Variants in RASGRP1 observed in about 807,000 individuals in gnomAD.
The protein encoded by RASGRP1 is RAS guanyl releasing protein 1.
A neutral mutation model predicts 95.1 loss-of-function variants in RASGRP1; 37 were observed. That is an observed-to-expected ratio of 0.39 (90% CI 0.30 to 0.51). The LOEUF is 0.51. Among genes scored for constraint, RASGRP1 ranks in the 20% least tolerant of loss-of-function variants. RASGRP1 has a pLI of 0.80. For synonymous variants in RASGRP1, 325 were observed against 353.4 expected (o/e 0.92, Z 0.90); for missense variants, 711 against 965.4 (o/e 0.74, Z 3.49).
At chr15:38,503,400 T>A in intron 10 of RASGRP1, 24 bp from the exon 11 acceptor site, 1 of 1,486,384 alleles carries the variant, frequency 6.7e-7, no homozygotes, top group East Asian at 2.3e-5. Flanking sequence ...TTTAGAGAAA[T>A]CCTCATGACT....
chr15:38,560,799 G>A lies in RASGRP1; in HGVS notation c.36-794C>T, dbSNP rs559585904. Reference sequence around the variant, plus strand: ...ATTGAAACAGAAAGCAGAGCTGTGAGAGCGTTGTTCCAGCACTCAGTGTAA... The same window carrying A: ...ATTGAAACAGAAAGCAGAGCTGTGAAAGCGTTGTTCCAGCACTCAGTGTAA... On this transcript the variant is annotated intron_variant, in intron 1 of 16. Coordinates refer to ENST00000310803, the MANE Select transcript of RASGRP1 (RefSeq NM_005739.4). Among the ~76,000 whole-genome samples the A allele has an allele frequency of 2.0e-5, 3 of 152,304 alleles. No individual in the cohort carries two copies. The South Asian group carries it at 6.2e-4, about 32-fold the overall frequency.
intron 2 of RASGRP1, among the ~76,000 whole-genome samples, chr15:38,545,020 A>C (rs1230765429): frequency 6.6e-6 from 1 of 152,162 alleles, no homozygotes; most frequent in Admixed American, 6.5e-5. Context: ...TAATTTTTTT[A>C]TGGGAAGTCC....
At chr15:38,546,773 T>G (rs900530193) in intron 2 of RASGRP1, among the ~76,000 whole-genome samples, 2 of 152,188 alleles carry the variant, frequency 1.3e-5, no homozygotes, top group African/African-American at 4.8e-5. Flanking sequence ...AAGTTAATAT[T>G]CTGGGGAAGA....
intron 2 of RASGRP1, among the ~76,000 whole-genome samples, chr15:38,551,370 G>A (rs73384174): frequency 0.012 from 1,832 of 152,236 alleles, 38 homozygotes; most frequent in African/African-American, 0.043. Flanking sequence ...GTATCACAGC[G>A]AGAAACGGAG....
intron 10 of RASGRP1, among the ~76,000 whole-genome samples, chr15:38,505,637 T>A (rs2141099295): frequency 6.6e-6 from 1 of 152,324 alleles, no homozygotes; most frequent in African/African-American, 2.4e-5. Context: ...TCCCTTCAAC[T>A]ATATCACAGC....
chr15:38,509,509 C>G (rs1461297631), intron 8 of RASGRP1, among the ~76,000 whole-genome samples: 1 of 152,114 alleles, frequency 6.6e-6, no homozygotes, highest in Non-Finnish European at 1.5e-5. Context: ...GACGGATCAC[C>G]TGAGGTCCAA....
At chr15:38,543,648 CTT>C (rs11450286) in intron 2 of RASGRP1, among the ~76,000 whole-genome samples, 8 of 49,420 alleles carry the variant, frequency 1.6e-4, no homozygotes, top group Non-Finnish European at 3.1e-4. Flanking sequence ...TTCTTTTTTT[CTT>C]TTTTTTTTTT....
rs1891320897 is a variant in RASGRP1 at position 38,507,768 on chromosome 15, G to A, written c.1200C>T (p.Ala400=). The A allele has an allele frequency of 6.3e-7, 1 of 1,596,222 alleles. No homozygotes were observed. Among genetic ancestry groups the A allele is most frequent in the Non-Finnish European group, 8.5e-7 (1 of 1,171,166 alleles). ...ISELVQLQEV[A]PPLEANKDLV... Reference sequence around the variant, plus strand: ...AGTCCTTGTTAGCCTCCAAGGGTGGGGCCACCTCTTGCAGCTGGACCAATT... The same window carrying A: ...AGTCCTTGTTAGCCTCCAAGGGTGGAGCCACCTCTTGCAGCTGGACCAATT... The change falls in exon 9 of 17, where the codon GCC becomes GCT. Residue 400 remains alanine (A), a synonymous_variant. Transcript: ENST00000310803.
chr15:38,493,171 C>T (rs1460023624), intron 16 of RASGRP1, among the ~76,000 whole-genome samples: 7 of 148,114 alleles, frequency 4.7e-5, no homozygotes, highest in East Asian at 2.0e-4. Flanking sequence ...TGAGCCACCA[C>T]GCCGGGCCTT....
chr15:38,516,054 T>G, intron 6 of RASGRP1, 143 bp downstream of exon 6: 1 of 952,330 alleles, frequency 1.1e-6, no homozygotes, highest in Non-Finnish European at 1.6e-6. Flanking sequence ...ACTGATTTTT[T>G]CAGACTCTAT....
intron 2 of RASGRP1, among the ~76,000 whole-genome samples, chr15:38,554,020 TG>T (rs1263433841): frequency 6.6e-6 from 1 of 152,230 alleles, no homozygotes; most frequent in East Asian, 1.9e-4. Context: ...CATCCATTCA[TG>T]GGTCACCTCC....
intron 2 of RASGRP1, among the ~76,000 whole-genome samples, chr15:38,528,934 T>C (rs916950344): frequency 2.6e-5 from 4 of 152,254 alleles, no homozygotes; most frequent in Non-Finnish European, 5.9e-5. Flanking sequence ...CCTGAGTTCA[T>C]TGTTCCTCGC....
intron 12 of RASGRP1, 126 bp downstream of exon 12, chr15:38,502,186 T>C (rs1891057175): frequency 1.5e-6 from 1 of 656,330 alleles, no homozygotes; most frequent in South Asian, 2.2e-5. Context: ...GCATATTTCA[T>C]GGTCTGTTCT....
intron 1 of RASGRP1, chr15:38,560,346 A>C: frequency 3.4e-6 from 1 of 294,608 alleles, no homozygotes; most frequent in South Asian, 4.0e-5. Flanking sequence ...TCAGCTACTA[A>C]GCCACTGACT....
intron 2 of RASGRP1, among the ~76,000 whole-genome samples, chr15:38,547,877 G>A (rs1403750902): frequency 1.3e-5 from 2 of 151,980 alleles, no homozygotes; most frequent in South Asian, 2.1e-4. Flanking sequence ...GTGTGTGTGT[G>A]TGTGAGATGG....
At chr15:38,508,136 T>A in intron 8 of RASGRP1, 135 bp from the exon 9 acceptor site, 2 of 952,188 alleles carry the variant, frequency 2.1e-6, no homozygotes, top group Non-Finnish European at 3.1e-6. Flanking sequence ...GTAATTCATG[T>A]AAAAGGTACA....
intron 7 of RASGRP1, among the ~76,000 whole-genome samples, chr15:38,512,300 T>A (rs192606892): frequency 6.6e-6 from 1 of 152,230 alleles, no homozygotes; most frequent in Non-Finnish European, 1.5e-5. Context: ...ACAGAGAAGC[T>A]AGAATCTCTG....
intron 2 of RASGRP1, among the ~76,000 whole-genome samples, chr15:38,536,822 AC>A (rs1233129736): frequency 2.6e-5 from 4 of 152,368 alleles, no homozygotes; most frequent in African/African-American, 9.6e-5. Flanking sequence ...GTACAAAAAA[AC>A]ATCACATCAC....
chr15:38,490,599 T>C lies in RASGRP1; in HGVS notation c.2349A>G (p.Lys783=), dbSNP rs372923561. Residue 783 remains lysine (K), a synonymous_variant, in exon 17 of 17, where the codon AAA becomes AAG. Transcript: ENST00000310803. ...CCATTTGAGCTAAGACATGATTGCTTTTTTCAAGCTGGAGGGATTCTATTT... is the reference window on the plus strand; with the variant it reads ...CCATTTGAGCTAAGACATGATTGCTCTTTTCAAGCTGGAGGGATTCTATTT... The part of the protein sequence containing the change: ...QKKIESLQLE[K]SNHVLAQMEQ... 7.4e-6 allele frequency: 12 copies of C among 1,613,432 alleles called. No individual in the cohort carries two copies. The highest frequency in any genetic ancestry group is 1.0e-5 in the Non-Finnish European group (12 of 1,179,606).
Sources: allele counts gnomAD v4.1 joint callset (sites outside exome capture counted in the v4.1 genomes callset), GRCh38; gene constraint gnomAD v4.1.1; transcripts MANE v1.5; gene names NCBI Gene and HGNC (gene_info 2026-07-23, HGNC 2026-07-21).